Variants in CXCR5 observed in about 807,000 individuals in gnomAD.
CXCR5 encodes the protein C-X-C chemokine receptor type 5.
A neutral mutation model predicts 5.6 loss-of-function variants in CXCR5; 3 were observed. That is an observed-to-expected ratio of 0.54 (90% CI 0.24 to 1.39). CXCR5 has a LOEUF of 1.39. Ranked by LOEUF, CXCR5 falls within the 40% of genes most tolerant of loss-of-function variation. The pLI, the probability that CXCR5 is intolerant of heterozygous loss-of-function variation, is 0.16. For synonymous variants in CXCR5, 218 were observed against 219.9 expected (o/e 0.99, Z 0.08); for missense variants, 333 against 494.6 (o/e 0.67, Z 3.10).
At chr11:118,884,094 C>G in intron 1 of CXCR5, 102 bp downstream of exon 1, 1 of 1,167,348 alleles carries the variant, frequency 8.6e-7, no homozygotes. Flanking sequence ...GAATCCTCTC[C>G]CACTGTGGAT....
intron 1 of CXCR5, chr11:118,887,217 C>A: frequency 3.0e-6 from 3 of 985,012 alleles, no homozygotes; most frequent in Non-Finnish European, 3.6e-6. Flanking sequence ...TCCCACTCCT[C>A]TAGCAGAACG....
At chr11:118,884,761 A>G (rs1939683608) in intron 1 of CXCR5, among the ~76,000 whole-genome samples, 1 of 152,148 alleles carries the variant, frequency 6.6e-6, no homozygotes, top group Non-Finnish European at 1.5e-5. Flanking sequence ...CCACCACTCA[A>G]GTCTCTCCAG....
rs930828674 is a variant in CXCR5, at chr11:118,897,556, T to G, written c.*2893T>G. 8.6e-6 allele frequency: 3 copies of G among 349,366 alleles called. No individual in the cohort carries two copies. Among genetic ancestry groups the G allele is most frequent in the African/African-American group, 2.2e-5 (1 of 46,252 alleles). 21.6% of individuals were successfully genotyped at this position (349,366 alleles called of 1,614,324 possible). The stretch of plus-strand genomic sequence containing the variant: ...CTCAGCCCTGCTAGGGCTCACCAGG[T>G]GGAAGCCTAGGTGGTCTGACCTCAG... On this transcript the variant is annotated 3_prime_UTR_variant, in exon 2 of 2. Transcript: ENST00000292174.
chr11:118,887,267 A>T, intron 1 of CXCR5: 1 of 985,452 alleles, frequency 1.0e-6, no homozygotes, highest in Non-Finnish European at 1.2e-6. Flanking sequence ...AAGAATCAGG[A>T]CACAAGAATG....
chr11:118,892,647 C>T (rs921461165), intron 1 of CXCR5, among the ~76,000 whole-genome samples: 4 of 140,666 alleles, frequency 2.8e-5, no homozygotes, highest in Non-Finnish European at 6.1e-5. Context: ...GCTGGGTAAA[C>T]AACCTGAGTG....
intron 1 of CXCR5, chr11:118,887,437 T>G (rs1939731289): frequency 1.0e-6 from 1 of 985,544 alleles, no homozygotes. Context: ...TGGGGCTCCC[T>G]TAAGCCTAAA....
At position 118,893,746 on chromosome 11, in the gene CXCR5, G is replaced by A. The variant is rs1372993846; in HGVS notation, c.202G>A (p.Gly68Ser). 11 of 1,614,048 alleles carry A rather than the reference G, an allele frequency of 6.8e-6. No homozygotes were observed. Among genetic ancestry groups the A allele is most frequent in the African/African-American group, 1.3e-5 (1 of 74,930 alleles). The change falls in exon 2 of 2, where the codon GGC becomes AGC. Residue 68 changes from glycine (G) to serine (S), a missense_variant. Transcript: ENST00000292174. This position sits in a 1 kb window ranked among gnomAD's most constrained non-coding sequence, Gnocchi z 5.7. ...CCTCATCTTCCTCCTGGGCGTGATCGGCAACGTCCTGGTGCTGGTGATCCT... is the reference window on the plus strand; with the variant it reads ...CCTCATCTTCCTCCTGGGCGTGATCAGCAACGTCCTGGTGCTGGTGATCCT... ...YSLIFLLGVI[G>S]NVLVLVILER...
At chr11:118,885,715 G>A in intron 1 of CXCR5, 1 of 153,364 alleles carries the variant, frequency 6.5e-6, no homozygotes, top group Non-Finnish European at 1.5e-5. Context: ...CTCACTGAGT[G>A]ACCTACTAGG....
chr11:118,893,455 T>C lies in CXCR5; in HGVS notation c.52-141T>C. 7.0e-7 allele frequency: 1 copy of C among 1,426,504 alleles called. No homozygotes were observed. Among genetic ancestry groups the C allele is most frequent in the Non-Finnish European group, 9.2e-7 (1 of 1,088,652 alleles). The allele number at this position is 1,426,504 out of a possible 1,614,324, so 88.4% of individuals were successfully genotyped here. On this transcript the variant is annotated intron_variant, in intron 1 of 1. Transcript: ENST00000292174. This position sits in a 1 kb window ranked among gnomAD's most constrained non-coding sequence, Gnocchi z 5.7. Reference sequence around the variant, plus strand: ...CTGAAGTTGGAAAAGACAAAGTGATTTGTTCAAAATTGAAATTTGAAACTT... The same window carrying C: ...CTGAAGTTGGAAAAGACAAAGTGATCTGTTCAAAATTGAAATTTGAAACTT...
chr11:118,894,392 C>A lies in CXCR5; in HGVS notation c.848C>A (p.Thr283Asn). 2 of 1,614,238 alleles carry A rather than the reference C, an allele frequency of 1.2e-6. No individual in the cohort carries two copies. Among genetic ancestry groups the A allele is most frequent in the South Asian group, 1.1e-5 (1 of 91,090 alleles). ...SPYHIVIFLD[T>N]LARLKAVDNT... is the part of the protein sequence containing the mutation. ...TACCACATCGTCATCTTCCTGGACA[C>A]CCTGGCGAGGCTGAAGGCCGTGGAC... Residue 283 changes from threonine (T) to asparagine (N), a missense_variant, in exon 2 of 2, where the codon ACC becomes AAC. Physicochemically the swap from Thr to Asn is moderately conservative, Grantham distance 65 (BLOSUM62 0). Coordinates refer to ENST00000292174, the MANE Select transcript of CXCR5 (RefSeq NM_001716.5). The surrounding 1 kb of genome is among the most constrained non-coding windows in gnomAD (Gnocchi z 6.1).
intron 1 of CXCR5, among the ~76,000 whole-genome samples, chr11:118,891,637 G>A (rs1445578217): frequency 6.6e-6 from 1 of 152,090 alleles, no homozygotes; most frequent in Non-Finnish European, 1.5e-5. Flanking sequence ...GGGAGGCCGA[G>A]GCGGGGGGAT....
rs1471664335 is a variant in CXCR5, at chr11:118,897,692, G to C, written c.*3029G>C. The stretch of plus-strand genomic sequence containing the variant: ...AGTGGGTGGCCATGTAGGGCTGCAT[G>C]TCCCTGGGTCCAGGGGAATGGAGGG... On this transcript the variant is annotated 3_prime_UTR_variant, in exon 2 of 2. Transcript: ENST00000292174. 2.3e-6 allele frequency: 1 copy of C among 431,204 alleles called. No homozygotes were observed. The highest frequency in any genetic ancestry group is 2.1e-5 in the African/African-American group (1 of 48,258). The allele number at this position is 431,204 out of a possible 1,614,324, so 26.7% of individuals were successfully genotyped here.
chr11:118,889,074 G>A (rs1377366979), intron 1 of CXCR5, among the ~76,000 whole-genome samples: 1 of 152,140 alleles, frequency 6.6e-6, no homozygotes, highest in Admixed American at 6.5e-5. Flanking sequence ...CCCTACCACA[G>A]GCCAAGCACT....
At position 118,896,214 on chromosome 11, in the gene CXCR5, G is replaced by A. The variant is rs1336110066; in HGVS notation, c.*1551G>A. On this transcript the variant is annotated 3_prime_UTR_variant, in exon 2 of 2. Coordinates refer to ENST00000292174, the MANE Select transcript of CXCR5 (RefSeq NM_001716.5). ...AGTACAGGCAGCACAGAGACCCCCG[G>A]AACAAGCCTAAAAATTGTTTCAAAA... The A allele has an allele frequency of 6.0e-6, 1 of 166,684 alleles. No individual in the cohort carries two copies. Among genetic ancestry groups the A allele is most frequent in the East Asian group, 1.9e-4 (1 of 5,208 alleles). The allele number at this position is 166,684 out of a possible 1,614,324, so 10.3% of individuals were successfully genotyped here.
chr11:118,886,514 G>A (rs1939715688), intron 1 of CXCR5: 1 of 381,744 alleles, frequency 2.6e-6, no homozygotes, highest in Non-Finnish European at 5.0e-6. Context: ...TCTCATCAAT[G>A]AAAGGTCCAA....
At position 118,896,495 on chromosome 11, in the gene CXCR5, G is replaced by A. The variant is rs1452456152; in HGVS notation, c.*1832G>A. 1 of 153,052 alleles carries A rather than the reference G, an allele frequency of 6.5e-6. No individual in the cohort carries two copies. The highest frequency in any genetic ancestry group is 1.5e-5 in the Non-Finnish European group (1 of 68,262). 9.5% of individuals were successfully genotyped at this position (153,052 alleles called of 1,614,324 possible). A position where few individuals can be genotyped will look rare whatever the true frequency, so the allele number is the denominator to read the frequency against. On this transcript the variant is annotated 3_prime_UTR_variant, in exon 2 of 2. Coordinates refer to ENST00000292174, the MANE Select transcript of CXCR5 (RefSeq NM_001716.5). ...TGGGCCAGGGGTGGAGGGCTCAAGG[G>A]CACAGGGCCCAGGCTGAGGCAGGGC...
At chr11:118,890,639 G>A (rs780881230) in intron 1 of CXCR5, among the ~76,000 whole-genome samples, 1 of 152,128 alleles carries the variant, frequency 6.6e-6, no homozygotes, top group Non-Finnish European at 1.5e-5. Context: ...ATTAATAGAA[G>A]ACAAAGTTTG....
Position 118,893,807 on chromosome 11 carries a change from C to T in CXCR5, c.263C>T (p.Thr88Ile), listed in dbSNP as rs758882989. ...CGGCAGACACGCAGTTCCACGGAGA[C>T]CTTCCTGTTCCACCTGGCCGTGGCC... ...RHRQTRSSTE[T>I]FLFHLAVADL... Residue 88 changes from threonine to isoleucine, a missense_variant, in exon 2 of 2, where the codon ACC (threonine) becomes ATC (isoleucine). Transcript: ENST00000292174. This position sits in a 1 kb window ranked among gnomAD's most constrained non-coding sequence, Gnocchi z 5.7. 4 of 1,613,986 alleles carry T rather than the reference C, an allele frequency of 2.5e-6. No homozygotes were observed. Among genetic ancestry groups the T allele is most frequent in the Non-Finnish European group, 3.4e-6 (4 of 1,179,994 alleles).
intron 1 of CXCR5, among the ~76,000 whole-genome samples, chr11:118,890,371 G>T (rs578212964): frequency 6.6e-6 from 1 of 152,266 alleles, no homozygotes; most frequent in South Asian, 2.1e-4. Flanking sequence ...CTTGCCATCT[G>T]GTTAGAAAGT....
Sources: gnomAD v4.1 joint callset for allele counts (sites outside exome capture counted in the v4.1 genomes callset) on GRCh38, gnomAD v4.1.1 for gene constraint, Gnocchi (gnomAD v3.1) non-coding constraint, MANE v1.5 for transcripts, NCBI Gene and HGNC (gene_info 2026-07-23, HGNC 2026-07-21) for gene names.